Variants in FHIT observed in about 807,000 individuals in gnomAD.
The protein encoded by FHIT is fragile histidine triad diadenosine triphosphatase.
FHIT carries 19 observed loss-of-function variants against 17.9 expected under a neutral mutation model. That is an observed-to-expected ratio of 1.06 (90% CI 0.74 to 1.56). The LOEUF is 1.56. Ranked by LOEUF, FHIT falls within the 40% of genes most tolerant of loss-of-function variation. The pLI, the probability that FHIT is intolerant of heterozygous loss-of-function variation, is 0.00. For missense variants in FHIT, 248 were observed against 189.2 expected (o/e 1.31, Z -1.82); for synonymous variants, 81 against 69.7 (o/e 1.16, Z -0.81).
chr3:60,646,429 T>C (rs2107799546), intron 4 of FHIT, among the ~76,000 whole-genome samples: 1 of 152,312 alleles, frequency 6.6e-6, no homozygotes, highest in African/African-American at 2.4e-5. Flanking sequence ...AGATGCCTAA[T>C]TATATCATCC....
At chr3:59,853,734 G>C (rs935943931) in intron 8 of FHIT, among the ~76,000 whole-genome samples, 3 of 152,058 alleles carry the variant, frequency 2.0e-5, no homozygotes, top group African/African-American at 7.2e-5. Context: ...CAGAGATATG[G>C]GGACACACAC....
intron 4 of FHIT, among the ~76,000 whole-genome samples, chr3:60,594,655 T>C (rs2038201080): frequency 6.6e-6 from 1 of 152,088 alleles, no homozygotes; most frequent in Non-Finnish European, 1.5e-5. Context: ...GGGTTTTCTA[T>C]TCCCCTACTT....
chr3:60,604,686 A>C (rs2038551229), intron 4 of FHIT, among the ~76,000 whole-genome samples: 1 of 152,130 alleles, frequency 6.6e-6, no homozygotes, highest in African/African-American at 2.4e-5. Flanking sequence ...AATGGGAAAA[A>C]AACCGAGGTT....
At chr3:60,188,350 C>T (rs1342931373) in intron 5 of FHIT, among the ~76,000 whole-genome samples, 1 of 151,824 alleles carries the variant, frequency 6.6e-6, no homozygotes, top group Non-Finnish European at 1.5e-5. Flanking sequence ...TAGATCACAC[C>T]GTAGATGCTG....
intron 1 of FHIT, among the ~76,000 whole-genome samples, chr3:61,206,492 A>G (rs1357568629): frequency 6.6e-6 from 1 of 151,842 alleles, no homozygotes; most frequent in Admixed American, 6.6e-5. Context: ...CTTTTATTTC[A>G]TTGAGCAGTG....
chr3:60,414,284 G>A (rs1217423350), intron 5 of FHIT, among the ~76,000 whole-genome samples: 2 of 152,148 alleles, frequency 1.3e-5, no homozygotes, highest in Admixed American at 1.3e-4. Context: ...AAGTTCCCAG[G>A]TGATGCTGAT....
At chr3:61,151,502 G>A (rs940201091) in intron 2 of FHIT, among the ~76,000 whole-genome samples, 1 of 151,514 alleles carries the variant, frequency 6.6e-6, no homozygotes, top group Non-Finnish European at 1.5e-5. Context: ...TTTTATTCTA[G>A]TATCCCTCAA....
chr3:60,388,361 A>C (rs1701092876), intron 5 of FHIT, among the ~76,000 whole-genome samples: 2 of 152,128 alleles, frequency 1.3e-5, no homozygotes, highest in South Asian at 4.1e-4. Context: ...GCACTTTGGG[A>C]AGCTGAGGCA....
At chr3:60,438,092 C>T (rs1022638790) in intron 5 of FHIT, among the ~76,000 whole-genome samples, 1 of 151,980 alleles carries the variant, frequency 6.6e-6, no homozygotes, top group South Asian at 2.1e-4. Context: ...TGGGATATGG[C>T]AACTGTGGCA....
intron 4 of FHIT, among the ~76,000 whole-genome samples, chr3:60,548,129 A>G (rs2036428593): frequency 2.0e-5 from 1 of 49,328 alleles, no homozygotes; most frequent in Admixed American, 2.5e-4. Context: ...AAAAAGGAGC[A>G]CGAGAGAGAG....
At chr3:60,959,628 A>C (rs1553779983) in intron 3 of FHIT, among the ~76,000 whole-genome samples, 2 of 152,082 alleles carry the variant, frequency 1.3e-5, no homozygotes, top group Non-Finnish European at 2.9e-5. Context: ...CTGAAGAGAG[A>C]AAATGAAGCC....
At chr3:60,853,654 T>A (rs1406278682) in intron 3 of FHIT, among the ~76,000 whole-genome samples, 1 of 152,158 alleles carries the variant, frequency 6.6e-6, no homozygotes, top group African/African-American at 2.4e-5. Context: ...TTTAGTGCAA[T>A]TCTGCCTTTA....
intron 5 of FHIT, among the ~76,000 whole-genome samples, chr3:60,155,231 T>C (rs1700630276): frequency 6.6e-6 from 1 of 151,674 alleles, no homozygotes; most frequent in African/African-American, 2.4e-5. Flanking sequence ...GAGCATAAAG[T>C]GTGAAACAGA....
chr3:60,462,618 A>G (rs1191878010), intron 5 of FHIT, among the ~76,000 whole-genome samples: 1 of 152,168 alleles, frequency 6.6e-6, no homozygotes, highest in African/African-American at 2.4e-5. Flanking sequence ...CAAAAGCAAG[A>G]GATCCGCCAG....
intron 5 of FHIT, among the ~76,000 whole-genome samples, chr3:60,387,551 C>T (rs1277477133): frequency 6.6e-6 from 1 of 152,100 alleles, no homozygotes; most frequent in Non-Finnish European, 1.5e-5. Context: ...CATTTGGAAA[C>T]AATAATCATC....
intron 4 of FHIT, among the ~76,000 whole-genome samples, chr3:60,820,749 T>C (rs572246832): frequency 1.3e-5 from 2 of 152,192 alleles, no homozygotes; most frequent in Admixed American, 1.3e-4. Context: ...AGTATCTTTG[T>C]GTTCTGGTAC....
intron 3 of FHIT, among the ~76,000 whole-genome samples, chr3:61,037,979 C>T (rs1382549600): frequency 6.6e-6 from 1 of 152,220 alleles, no homozygotes; most frequent in Non-Finnish European, 1.5e-5. Context: ...CAGTCCTAGT[C>T]AGTCAGGGAA....
At position 59,758,123 on chromosome 3, in the gene FHIT, G is replaced by A. The variant is rs1299882109; in HGVS notation, c.349-5802C>T. ...CAAAATAATTCTTGCTGGAATTCAGGTCTGAGATTGACTTTTAAAAATCAA... is the reference window on the plus strand; with the variant it reads ...CAAAATAATTCTTGCTGGAATTCAGATCTGAGATTGACTTTTAAAAATCAA... On this transcript the variant is annotated intron_variant, in intron 8 of 9. Transcript: ENST00000492590. 9.2e-5 allele frequency among the ~76,000 whole-genome samples: 14 copies of A among 152,278 alleles called. No individual in the cohort carries two copies. In the East Asian group the frequency reaches 1.4e-3, roughly 15 times the overall value.
intron 8 of FHIT, among the ~76,000 whole-genome samples, chr3:59,892,132 C>A (rs555452496): frequency 2.0e-5 from 3 of 152,212 alleles, no homozygotes; most frequent in Non-Finnish European, 4.4e-5. Flanking sequence ...GACCCTATAT[C>A]ATACAAGTTG....
Sources: gnomAD v4.1 joint callset for allele counts (sites outside exome capture counted in the v4.1 genomes callset) on GRCh38, gnomAD v4.1.1 for gene constraint, MANE v1.5 for transcripts, NCBI Gene and HGNC (gene_info 2026-07-23, HGNC 2026-07-21) for gene names.